PDPR: variants seen among roughly 807,000 people sequenced by gnomAD.
The protein encoded by PDPR is pyruvate dehydrogenase phosphatase regulatory subunit, mitochondrial.
Under a neutral mutation model 102.2 loss-of-function variants are expected in PDPR, and 50 were observed. The ratio of observed to expected loss-of-function variants is 0.49; its 90% confidence interval spans 0.39 to 0.62. The LOEUF (loss-of-function observed/expected upper bound fraction) is 0.62. Among genes scored for constraint, PDPR ranks in the 20% least tolerant of loss-of-function variants. The pLI is 0.00. For missense variants in PDPR, 625 were observed against 1,098.2 expected (o/e 0.57, Z 6.09); for synonymous variants, 259 against 406.0 (o/e 0.64, Z 4.35).
chr16:70,116,522 C>T (rs959184045), intron 2 of PDPR, among the ~76,000 whole-genome samples: 2 of 137,754 alleles, frequency 1.5e-5, no homozygotes, highest in African/African-American at 2.8e-5. Flanking sequence ...GCCTGGGCAA[C>T]ATAGTGAGCC....
Position 70,120,531 on chromosome 16 carries a change from A to G in PDPR, c.39A>G (p.Gln13=), listed in dbSNP as rs377054707. 1.9e-6 allele frequency: 3 copies of G among 1,613,854 alleles called. No homozygotes were observed. The African/African-American group carries it at 4.0e-5, about 22-fold the overall frequency. ...FYRLLSIVGR[Q]RASPGWQNWS... is the part of the protein sequence containing the mutation. ...GGTTGCTGTCGATTGTTGGAAGACA[A>G]AGAGCCAGCCCAGGATGGCAGAACT... is the stretch of plus-strand genomic sequence containing the variant. Residue 13 remains glutamine, a synonymous_variant, in exon 3 of 19, where the codon CAA becomes CAG. Transcript: ENST00000288050.
intron 3 of PDPR, among the ~76,000 whole-genome samples, chr16:70,122,556 G>A (rs1270221342): frequency 2.6e-5 from 4 of 152,262 alleles, no homozygotes; most frequent in African/African-American, 9.6e-5. Flanking sequence ...CAGTTACATT[G>A]GTGTCCTCCA....
chr16:70,149,414 C>T (rs1306401297), intron 17 of PDPR, among the ~76,000 whole-genome samples: 34 of 151,600 alleles, frequency 2.2e-4, no homozygotes, highest in Non-Finnish European at 3.4e-4. Flanking sequence ...TACAGGTGCA[C>T]GCCACCACGC....
intron 2 of PDPR, among the ~76,000 whole-genome samples, chr16:70,116,352 C>G (rs1962633420): frequency 7.1e-6 from 1 of 140,082 alleles, no homozygotes; most frequent in Admixed American, 7.3e-5. Context: ...GCTAGGATTA[C>G]AGGTGTGAGC....
chr16:70,147,275 A>G (rs1411902281), intron 16 of PDPR, among the ~76,000 whole-genome samples: 2 of 147,892 alleles, frequency 1.4e-5, no homozygotes, highest in Admixed American at 6.9e-5. Flanking sequence ...TGCTTTATTT[A>G]ATAAGCATTA....
chr16:70,156,656 A>G lies in PDPR; in HGVS notation c.2417A>G (p.Tyr806Cys), dbSNP rs757697550. ...VGKTTSSAYSYSLERHVCLGF... is the reference protein window; with the variant it reads ...VGKTTSSAYSCSLERHVCLGF... Reference sequence around the variant, plus strand: ...AAGACCACCAGCAGTGCCTACAGCTACAGCCTGGAGCGCCACGTTTGCCTG... The same window carrying G: ...AAGACCACCAGCAGTGCCTACAGCTGCAGCCTGGAGCGCCACGTTTGCCTG... Residue 806 changes from tyrosine (Y) to cysteine (C), a missense_variant, in exon 19 of 19, where the codon TAC becomes TGC. By Grantham distance (194) the Tyr-to-Cys change is radical. This residue lies in a region of PDPR where 303 missense variants were observed against 258.9 expected (regional missense o/e 1.17). Transcript: ENST00000288050. 2 of 1,614,078 alleles carry G rather than the reference A, an allele frequency of 1.2e-6. No individual in the cohort carries two copies. The highest frequency in any genetic ancestry group is 1.1e-5 in the South Asian group (1 of 91,090).
chr16:70,125,414 C>A (rs2152070229), intron 3 of PDPR, among the ~76,000 whole-genome samples: 1 of 151,822 alleles, frequency 6.6e-6, no homozygotes, highest in East Asian at 2.0e-4. Flanking sequence ...ATTAGCTGGG[C>A]ATGGTGACAC....
At chr16:70,119,939 C>T (rs1237447429) in intron 2 of PDPR, among the ~76,000 whole-genome samples, 34 of 149,178 alleles carry the variant, frequency 2.3e-4, no homozygotes, top group African/African-American at 8.4e-4. Flanking sequence ...TTTTTTGAGA[C>T]GGAGTCTCGC....
At chr16:70,135,527 A>T (rs183686564) in intron 9 of PDPR, among the ~76,000 whole-genome samples, 82 of 152,338 alleles carry the variant, frequency 5.4e-4, no homozygotes, top group Non-Finnish European at 1.1e-3. Flanking sequence ...GCAAGCCACC[A>T]TGCCCAGCTC....
At chr16:70,151,478 A>G (rs1324230775) in intron 17 of PDPR, among the ~76,000 whole-genome samples, 2 of 152,418 alleles carry the variant, frequency 1.3e-5, no homozygotes, top group African/African-American at 4.8e-5. Flanking sequence ...AAGTATTACA[A>G]CAATATGAAG....
rs142060208 is a variant in PDPR, at chr16:70,125,391, C to CAACAA, written c.228-1867_228-1866insCAAAA. On this transcript the variant is annotated intron_variant, in intron 3 of 18. Transcript: ENST00000288050. Reference sequence around the variant, plus strand: ...CTCCGTCTCTAAAAAAACAAACAAACAAAAAAACAAAAATTAGCTGGGCAT... The same window carrying CAACAA: ...CTCCGTCTCTAAAAAAACAAACAAACAACAAAAAAAAACAAAAATTAGCTGGGCAT... Among the ~76,000 whole-genome samples the CAACAA allele has an allele frequency of 2.8e-4, 40 of 145,104 alleles. No individual in the cohort carries two copies. In the East Asian group the frequency reaches 5.9e-3, roughly 22 times the overall value.
At position 70,132,270 on chromosome 16, in the gene PDPR, C is replaced by T. The variant is rs369670365; in HGVS notation, c.967C>T (p.Gln323Ter). The change falls in exon 9 of 19, where the codon CAG (glutamine) becomes TAG (stop). Residue 323 changes from glutamine (Q) to a stop codon, truncating the protein, a stop_gained. Transcript: ENST00000288050. LOFTEE classifies it high-confidence loss of function. ...FTEGKNQLEI[Q>*]NLQEDWDHFE... The stretch of plus-strand genomic sequence containing the variant: ...TGAGGGCAAGAACCAGCTGGAGATT[C>T]AGAATCTACAGGAAGACTGGGATCA... 5.0e-6 allele frequency: 8 copies of T among 1,613,840 alleles called. No homozygotes were observed. Among genetic ancestry groups the T allele is most frequent in the Non-Finnish European group, 6.8e-6 (8 of 1,179,828 alleles).
chr16:70,120,151 G>C (rs1218256770), intron 2 of PDPR: 1 of 268,778 alleles, frequency 3.7e-6, no homozygotes, highest in African/African-American at 2.2e-5. Flanking sequence ...CCCTGACCTC[G>C]TTATCCACTC....
intron 18 of PDPR, among the ~76,000 whole-genome samples, chr16:70,154,882 G>A (rs991403951): frequency 3.9e-5 from 6 of 152,342 alleles, no homozygotes; most frequent in Non-Finnish European, 8.8e-5. Flanking sequence ...CAGGTGATCC[G>A]CCCTCCTCGG....
intron 18 of PDPR, among the ~76,000 whole-genome samples, chr16:70,155,736 GTGTATATA>G (rs1967089430): frequency 1.3e-5 from 2 of 151,964 alleles, no homozygotes; most frequent in Admixed American, 1.3e-4. Context: ...TTGTACATAT[GTGTATATA>G]TGTGTGTATG....
At chr16:70,143,323 C>A (rs1236162658) in intron 13 of PDPR, among the ~76,000 whole-genome samples, 187 bp from the exon 14 acceptor site, 1 of 152,268 alleles carries the variant, frequency 6.6e-6, no homozygotes, top group Non-Finnish European at 1.5e-5. Context: ...CTAGAGAGGC[C>A]TGTTTATCAT....
rs761365431 is a variant in PDPR, at chr16:70,157,035, CTT to C, written c.*161_*162del. 23 of 1,115,556 alleles carry C rather than the reference CTT, an allele frequency of 2.1e-5. No individual in the cohort carries two copies. Among genetic ancestry groups the C allele is most frequent in the Middle Eastern group, 2.0e-4 (1 of 5,104 alleles). The allele number at this position is 1,115,556 out of a possible 1,614,324, so 69.1% of individuals were successfully genotyped here. A position where few individuals can be genotyped will look rare whatever the true frequency, so the allele number is the denominator to read the frequency against. On this transcript the variant is annotated 3_prime_UTR_variant, in exon 19 of 19. Coordinates refer to ENST00000288050, the MANE Select transcript of PDPR (RefSeq NM_017990.5). ...AATTTTGAACTTGACCTACTTTAAA[CTT>C]TTTTGCTCTGCAGCCTTCCTTGCCC... is the stretch of plus-strand genomic sequence containing the variant.
chr16:70,124,334 G>T (rs1963694077), intron 3 of PDPR, among the ~76,000 whole-genome samples: 1 of 152,280 alleles, frequency 6.6e-6, no homozygotes, highest in South Asian at 2.1e-4. Context: ...CTGCCCTCCA[G>T]CCTGGGCAAC....
At position 70,136,307 on chromosome 16, in the gene PDPR, G is replaced by C. The variant is rs552816727; in HGVS notation, c.1111G>C (p.Glu371Gln). 1 of 1,613,638 alleles carries C rather than the reference G, an allele frequency of 6.2e-7. No individual in the cohort carries two copies. Among genetic ancestry groups the C allele is most frequent in the Admixed American group, 1.7e-5 (1 of 59,970 alleles). ...ACCAGACATGAGGTGCATCATGGGCGAGTCTCCTGCAGTGCAGGGCTACTT... is the reference window on the plus strand; with the variant it reads ...ACCAGACATGAGGTGCATCATGGGCCAGTCTCCTGCAGTGCAGGGCTACTT... ...FTPDMRCIMG[E>Q]SPAVQGYFVL... Residue 371 changes from glutamate (E) to glutamine (Q), a missense_variant, in exon 10 of 19, where the codon GAG (glutamate) becomes CAG (glutamine). By Grantham distance (29) the Glu-to-Gln change is conservative (BLOSUM62 2). Around this residue, in one of 11 missense-constraint regions of PDPR, gnomAD observed 50 missense variants for 79.9 expected, o/e 0.63. Transcript: ENST00000288050.
Sources: gnomAD v4.1 joint callset for allele counts (sites outside exome capture counted in the v4.1 genomes callset) on GRCh38, gnomAD v4.1.1 for gene constraint, gnomAD v4.1.1 regional missense constraint, MANE v1.5 for transcripts, NCBI Gene and HGNC (gene_info 2026-07-23, HGNC 2026-07-21) for gene names.